Variants in RAB38 observed in about 807,000 individuals in gnomAD.
The protein encoded by RAB38 is ras-related protein Rab-38.
A neutral mutation model predicts 18.4 loss-of-function variants in RAB38; 15 were observed. The ratio of observed to expected loss-of-function variants is 0.82; its 90% CI spans 0.55 to 1.26. The LOEUF (loss-of-function observed/expected upper bound fraction) is 1.26, where lower values mean the gene tolerates loss of function less well. Ranked by LOEUF, RAB38 falls within the 50% of genes most tolerant of loss-of-function variation. The pLI, the probability that RAB38 is intolerant of heterozygous loss-of-function variation, is 0.00. For missense variants in RAB38, 294 were observed against 267.4 expected (o/e 1.10, Z -0.69); for synonymous variants, 101 against 104.4 (o/e 0.97, Z 0.20).
At chr11:88,114,319 A>G (rs1942518729) in intron 2 of RAB38, among the ~76,000 whole-genome samples, 179 bp from the exon 3 acceptor site, 1 of 152,198 alleles carries the variant, frequency 6.6e-6, no homozygotes, top group South Asian at 2.1e-4. Flanking sequence ...TGGTTCCTCA[A>G]AAAAGAAGTA....
At chr11:88,045,610 G>T in the RAB38 span, among the ~76,000 whole-genome samples, 9 of 152,162 alleles carry the variant, frequency 5.9e-5, no homozygotes, top group Admixed American at 5.9e-4. Context: ...TGGAACTCTG[G>T]CCCAAGGCTC....
the RAB38 span, among the ~76,000 whole-genome samples, chr11:88,016,978 G>T: frequency 1.3e-5 from 2 of 152,048 alleles, no homozygotes; most frequent in Non-Finnish European, 2.9e-5. Flanking sequence ...AAAGCAAAAT[G>T]ATAAATGTTA....
At chr11:87,825,968 TG>T in the RAB38 span, among the ~76,000 whole-genome samples, 3 of 152,120 alleles carry the variant, frequency 2.0e-5, no homozygotes, top group African/African-American at 7.2e-5. Flanking sequence ...AAATAAATGG[TG>T]GTTTAATTAA....
At chr11:88,015,209 C>A in the RAB38 span, among the ~76,000 whole-genome samples, 1 of 152,106 alleles carries the variant, frequency 6.6e-6, no homozygotes, top group Non-Finnish European at 1.5e-5. Context: ...ACCAGCTATA[C>A]AGTGAGAGAA....
the RAB38 span, among the ~76,000 whole-genome samples, chr11:87,889,692 G>C: frequency 2.6e-5 from 4 of 151,832 alleles, no homozygotes; most frequent in African/African-American, 9.7e-5. Context: ...TAGCTAAATA[G>C]AAGTGTCAGG....
chr11:87,850,069 C>A, the RAB38 span, among the ~76,000 whole-genome samples: 1 of 152,106 alleles, frequency 6.6e-6, no homozygotes, highest in Admixed American at 6.6e-5. Context: ...TACTCTCTCA[C>A]ACGTGTCCAC....
chr11:88,107,649 G>C, the RAB38 span, among the ~76,000 whole-genome samples: 1 of 151,542 alleles, frequency 6.6e-6, no homozygotes. Flanking sequence ...GTTATTTTTT[G>C]TCTTCTGCTA....
chr11:87,975,558 C>A, the RAB38 span, among the ~76,000 whole-genome samples: 7,801 of 151,864 alleles, frequency 0.051, 255 homozygotes, highest in South Asian at 0.09. Flanking sequence ...TATGTTTTTT[C>A]TTCTCCTAAC....
the RAB38 span, among the ~76,000 whole-genome samples, chr11:88,059,539 A>G: frequency 6.6e-6 from 1 of 152,254 alleles, no homozygotes; most frequent in Admixed American, 6.5e-5. Flanking sequence ...TCCTTGTTAG[A>G]GGAAACTACT....
the RAB38 span, among the ~76,000 whole-genome samples, chr11:88,025,470 G>T: frequency 1.3e-5 from 2 of 152,216 alleles, no homozygotes; most frequent in Non-Finnish European, 2.9e-5. Flanking sequence ...ACTTTCCACA[G>T]TGGCTGAACT....
chr11:88,048,480 C>A, the RAB38 span, among the ~76,000 whole-genome samples: 3 of 152,242 alleles, frequency 2.0e-5, no homozygotes, highest in African/African-American at 4.8e-5. Context: ...CTCACCAAGC[C>A]CAGCCTCCAA....
chr11:88,022,638 A>G, the RAB38 span, among the ~76,000 whole-genome samples: 1 of 147,582 alleles, frequency 6.8e-6, no homozygotes, highest in Non-Finnish European at 1.5e-5. Context: ...AAAAACAACT[A>G]TTAGAACTGA....
the RAB38 span, among the ~76,000 whole-genome samples, chr11:88,102,462 A>G: frequency 1.3e-5 from 2 of 152,070 alleles, no homozygotes; most frequent in Admixed American, 1.3e-4. Context: ...TTGAAGGAAA[A>G]AGCTCAGGAA....
intron 1 of RAB38, among the ~76,000 whole-genome samples, chr11:88,158,514 A>G (rs1943152162): frequency 6.6e-6 from 1 of 152,196 alleles, no homozygotes. Flanking sequence ...ACATAGACAC[A>G]AAATTCCTCA....
chr11:87,933,682 C>G, the RAB38 span, among the ~76,000 whole-genome samples: 4 of 150,746 alleles, frequency 2.7e-5, no homozygotes, highest in African/African-American at 9.8e-5. Flanking sequence ...AAAAAGAAGC[C>G]TAGATTTTTC....
At chr11:87,869,974 C>A in the RAB38 span, among the ~76,000 whole-genome samples, 1 of 151,562 alleles carries the variant, frequency 6.6e-6, no homozygotes, top group Non-Finnish European at 1.5e-5. Context: ...ATTTATAAAA[C>A]CCATTATAAC....
the RAB38 span, among the ~76,000 whole-genome samples, chr11:87,935,171 A>G: frequency 1.3e-5 from 2 of 152,130 alleles, no homozygotes; most frequent in African/African-American, 2.4e-5. Context: ...TGAAAGTTAA[A>G]TATTAGATAT....
At chr11:87,861,994 A>G in the RAB38 span, among the ~76,000 whole-genome samples, 2 of 151,982 alleles carry the variant, frequency 1.3e-5, no homozygotes, top group South Asian at 2.1e-4. Context: ...GATGGCTACT[A>G]CTAAAAAGTC....
At chr11:87,880,559 C>A in the RAB38 span, among the ~76,000 whole-genome samples, 4 of 151,788 alleles carry the variant, frequency 2.6e-5, no homozygotes, top group African/African-American at 9.7e-5. Context: ...CTAGAATACA[C>A]TGACTAATAC....
Sources: gnomAD v4.1 joint callset for allele counts (sites outside exome capture counted in the v4.1 genomes callset) on GRCh38, gnomAD v4.1.1 for gene constraint, MANE v1.5 for transcripts, NCBI Gene and HGNC (gene_info 2026-07-23, HGNC 2026-07-21) for gene names.